WNT3: variants seen among roughly 807,000 people sequenced by gnomAD.
WNT3 encodes Wnt family member 3.
Under a neutral mutation model 34.2 loss-of-function variants are expected in WNT3, and 7 were observed. The ratio of observed to expected loss-of-function variants is 0.20; its 90% CI spans 0.12 to 0.38. The LOEUF is 0.38. WNT3 is among the 10% of genes least tolerant of loss of function. The pLI, the probability that WNT3 is intolerant of heterozygous loss-of-function variation, is 1.00. For missense variants in WNT3, 267 were observed against 499.8 expected (o/e 0.53, Z 4.44); for synonymous variants, 212 against 211.5 (o/e 1.00, Z -0.02).
At chr17:46,808,800 A>T (rs773520731) in intron 1 of WNT3, among the ~76,000 whole-genome samples, 8 of 152,176 alleles carry the variant, frequency 5.3e-5, no homozygotes, top group Non-Finnish European at 1.2e-4. Flanking sequence ...TGGAACTGGG[A>T]TTAAAAAAAA....
At chr17:46,779,094 CACACA>C (rs1568079855) in intron 1 of WNT3, among the ~76,000 whole-genome samples, 2 of 148,282 alleles carry the variant, frequency 1.3e-5, no homozygotes, top group East Asian at 2.1e-4. Context: ...CACACACACA[CACACA>C]CACACCCCAG....
intron 1 of WNT3, among the ~76,000 whole-genome samples, chr17:46,801,642 G>GAATTA (rs1209176134): frequency 3.4e-5 from 5 of 147,252 alleles, no homozygotes; most frequent in Non-Finnish European, 7.6e-5. Flanking sequence ...GAATTGAATT[G>GAATTA]AATTAAATTA....
rs894613784 is a variant in WNT3 at position 46,762,622 on chromosome 17, G to A, written c.*2008C>T. 2 of 150,364 alleles carry A rather than the reference G, an allele frequency of 1.3e-5. No homozygotes were observed. Among genetic ancestry groups the A allele is most frequent in the African/African-American group, 4.9e-5 (2 of 40,998 alleles). The allele number at this position is 150,364 out of a possible 1,614,324, so 9.3% of individuals were successfully genotyped here. ...ATATATAATCTTAGTTAACTCAAAG[G>A]TATATACATTGTATAATAAATAATA... On this transcript the variant is annotated 3_prime_UTR_variant, in exon 5 of 5. Coordinates refer to ENST00000225512, the MANE Select transcript of WNT3 (RefSeq NM_030753.5).
chr17:46,771,592 G>A (rs2059370634), intron 2 of WNT3, among the ~76,000 whole-genome samples: 1 of 147,648 alleles, frequency 6.8e-6, no homozygotes, highest in Non-Finnish European at 1.5e-5. Context: ...CGCTCAATCC[G>A]CCTTTGTTCG....
At chr17:46,780,058 T>C (rs1256194375) in intron 1 of WNT3, among the ~76,000 whole-genome samples, 1 of 152,140 alleles carries the variant, frequency 6.6e-6, no homozygotes, top group African/African-American at 2.4e-5. Context: ...TGCCTGGCCA[T>C]AGAGAACATT....
Position 46,818,661 on chromosome 17 carries a change from A to C in WNT3, c.-64T>G. ...GAAGAGGGGGAGCGACGCCCCCAAT[A>C]GTTGGAACAAAGTCCACTTGAGATT... On this transcript the variant is annotated 5_prime_UTR_variant, in exon 1 of 5. Coordinates refer to ENST00000225512, the MANE Select transcript of WNT3 (RefSeq NM_030753.5). 1 of 1,425,430 alleles carries C rather than the reference A, an allele frequency of 7.0e-7. No homozygotes were observed. Among genetic ancestry groups the C allele is most frequent in the Non-Finnish European group, 9.7e-7 (1 of 1,031,402 alleles). The allele number at this position is 1,425,430 out of a possible 1,614,324, so 88.3% of individuals were successfully genotyped here. A position where few individuals can be genotyped will look rare whatever the true frequency, so the allele number is the denominator to read the frequency against.
intron 1 of WNT3, among the ~76,000 whole-genome samples, chr17:46,790,432 C>G (rs113563522): frequency 5.2e-4 from 79 of 152,202 alleles, no homozygotes; most frequent in Middle Eastern, 3.4e-3. Flanking sequence ...TAGGTGCTCC[C>G]TCCCCTCTGT....
chr17:46,814,113 T>G (rs531019398), intron 1 of WNT3, among the ~76,000 whole-genome samples: 1 of 152,272 alleles, frequency 6.6e-6, no homozygotes, highest in South Asian at 2.1e-4. Context: ...AGGGCAGACA[T>G]CACAGACCCA....
chr17:46,797,397 G>C (rs2084068327), intron 1 of WNT3, among the ~76,000 whole-genome samples: 1 of 152,236 alleles, frequency 6.6e-6, no homozygotes, highest in Non-Finnish European at 1.5e-5. Context: ...TCAGGGCCAA[G>C]TGGAGGAGGG....
At chr17:46,794,465 C>T (rs1443011840) in intron 1 of WNT3, among the ~76,000 whole-genome samples, 1 of 152,164 alleles carries the variant, frequency 6.6e-6, no homozygotes. Context: ...TTGCACAGGG[C>T]TCAGAGCTAA....
intron 1 of WNT3, among the ~76,000 whole-genome samples, chr17:46,811,127 T>G (rs1469448062): frequency 9.9e-6 from 1 of 100,872 alleles, no homozygotes; most frequent in Non-Finnish European, 2.6e-5. Flanking sequence ...TGCAAACAGA[T>G]AAATCGACAC....
intron 1 of WNT3, among the ~76,000 whole-genome samples, chr17:46,783,646 C>T (rs553317239): frequency 2.0e-5 from 3 of 152,258 alleles, no homozygotes; most frequent in South Asian, 2.1e-4. Context: ...ACGGTCAGGG[C>T]GAGCGATCTC....
intron 1 of WNT3, among the ~76,000 whole-genome samples, chr17:46,808,512 C>G (rs1568095995): frequency 6.6e-6 from 1 of 152,190 alleles, no homozygotes; most frequent in Admixed American, 6.5e-5. Flanking sequence ...GGCTTTAGGT[C>G]CAACAGGGTG....
chr17:46,771,927 C>T (rs1003045680), intron 2 of WNT3, among the ~76,000 whole-genome samples: 3 of 146,098 alleles, frequency 2.1e-5, no homozygotes, highest in Non-Finnish European at 4.6e-5. Flanking sequence ...CGCCTCGGGC[C>T]CGCCGCGCCG....
At chr17:46,771,228 G>A (rs1346986578) in intron 2 of WNT3, among the ~76,000 whole-genome samples, 1 of 152,054 alleles carries the variant, frequency 6.6e-6, no homozygotes, top group African/African-American at 2.4e-5. Flanking sequence ...CCCGCGCCCC[G>A]CGCCTGCGCT....
At chr17:46,799,525 G>C (rs1008227598) in intron 1 of WNT3, among the ~76,000 whole-genome samples, 3 of 147,346 alleles carry the variant, frequency 2.0e-5, no homozygotes, top group Non-Finnish European at 3.0e-5. Context: ...TCAGCTAACT[G>C]CAACCTCCGC....
In WNT3 at chr17:46,768,461, G is replaced by GC; in HGVS notation, c.926dup (p.Cys310LeufsTer56). 1 of 1,614,160 alleles carries GC rather than the reference G, an allele frequency of 6.2e-7. No homozygotes were observed. ...CCCGGCCACAGCAGAGCAGATCGCA[G>GC]CCATCGATGCCGTGGGAGGTGACAT... On this transcript the variant is annotated frameshift_variant, in exon 4 of 5. Transcript: ENST00000225512. LOFTEE classifies it high-confidence loss of function. This position sits in a 1 kb window ranked among gnomAD's most constrained non-coding sequence, Gnocchi z 5.0.
At chr17:46,783,968 C>T (rs567713689) in intron 1 of WNT3, among the ~76,000 whole-genome samples, 3 of 152,164 alleles carry the variant, frequency 2.0e-5, no homozygotes, top group Admixed American at 6.5e-5. Context: ...GCTGGGAAAG[C>T]GGCTGGGAGG....
At position 46,773,623 on chromosome 17, in the gene WNT3, T is replaced by TGCCCCCCCCCC; in HGVS notation, c.322+44_322+45insGGGGGGGGGGC. 2 of 383,492 alleles carry TGCCCCCCCCCC rather than the reference T, an allele frequency of 5.2e-6. 1 individual carries two copies. The highest frequency in any genetic ancestry group is 1.0e-5 in the Non-Finnish European group (2 of 193,332). 23.8% of individuals were successfully genotyped at this position (383,492 alleles called of 1,614,324 possible). ...TGGAAGGGCATACAGTCCTGATCCC[T>TGCCCCCCCCCC]CCCCCCACCCAGCCCCTCCCCCCCC... On this transcript the variant is annotated intron_variant, in intron 2 of 4. Transcript: ENST00000225512.
Sources: allele counts gnomAD v4.1 joint callset (sites outside exome capture counted in the v4.1 genomes callset), GRCh38; gene constraint gnomAD v4.1.1; non-coding constraint Gnocchi (gnomAD v3.1); transcripts MANE v1.5; gene names NCBI Gene and HGNC (gene_info 2026-07-23, HGNC 2026-07-21).